Variants in ITIH5 observed in about 807,000 individuals in gnomAD.
ITIH5 encodes inter-alpha-trypsin inhibitor heavy chain 5.
Under a neutral mutation model 77.5 loss-of-function variants are expected in ITIH5, and 65 were observed. The observed-to-expected ratio is 0.84, with a 90% CI of 0.69 to 1.03. The LOEUF is 1.03. ITIH5 is among the 50% of genes least tolerant of loss of function. ITIH5 has a pLI of 0.00. For synonymous variants in ITIH5, 525 were observed against 494.3 expected, an observed-to-expected ratio of 1.06 and a Z score of -0.82; for missense variants, 1,208 against 1,213.1, an observed-to-expected ratio of 1.00 and a Z score of 0.06.
Position 7,576,915 on chromosome 10 carries a change from A to G in ITIH5, c.1516T>C (p.Tyr506His), listed in dbSNP as rs556598065. The G allele has an allele frequency of 6.2e-7, 1 of 1,614,132 alleles. No individual in the cohort carries two copies. Among genetic ancestry groups the G allele is most frequent in the East Asian group, 2.2e-5 (1 of 44,880 alleles). ...VQATKTLFPNYFNGSEIIIAG... is the reference protein window; with the variant it reads ...VQATKTLFPNHFNGSEIIIAG... ...ATGATGATCTCCGAGCCGTTGAAGT[A>G]GTTGGGGAACAGGGTCTTGGTGGCC... Residue 506 changes from tyrosine (Y) to histidine (H), a missense_variant, in exon 10 of 14, where the codon TAC becomes CAC. Tyr to His is a moderately conservative substitution (Grantham distance 83, BLOSUM62 2). Coordinates refer to ENST00000397146, the MANE Select transcript of ITIH5 (RefSeq NM_030569.7).
intron 2 of ITIH5, among the ~76,000 whole-genome samples, chr10:7,644,992 A>G (rs1251865480): frequency 6.7e-6 from 1 of 148,440 alleles, no homozygotes; most frequent in Non-Finnish European, 1.5e-5. Context: ...CTGAGGATGG[A>G]CTTGAACACC....
At chr10:7,606,428 A>C (rs1341533408) in intron 7 of ITIH5, among the ~76,000 whole-genome samples, 3 of 152,250 alleles carry the variant, frequency 2.0e-5, no homozygotes, top group Non-Finnish European at 4.4e-5. Context: ...AGCTATAAAA[A>C]AGTATAAGAT....
intron 5 of ITIH5, among the ~76,000 whole-genome samples, chr10:7,631,861 G>A (rs934990598): frequency 7.3e-5 from 11 of 150,632 alleles, no homozygotes; most frequent in Admixed American, 4.6e-4. Flanking sequence ...ATCTCAGCTC[G>A]CTGCAGCCTC....
At chr10:7,644,850 CACA>C (rs1833977103) in intron 2 of ITIH5, among the ~76,000 whole-genome samples, 2 of 128,630 alleles carry the variant, frequency 1.6e-5, no homozygotes, top group African/African-American at 6.1e-5. Context: ...ACATATATAT[CACA>C]TATGTATCAC....
intron 2 of ITIH5, 77 bp from the exon 3 acceptor site, chr10:7,642,167 T>C (rs2131082119): frequency 1.7e-6 from 2 of 1,170,070 alleles, no homozygotes; most frequent in South Asian, 1.6e-5. Flanking sequence ...CTTTTTTTTT[T>C]TCCACAAGGG....
At chr10:7,581,487 A>G (rs1358153638) in intron 8 of ITIH5, among the ~76,000 whole-genome samples, 1 of 151,984 alleles carries the variant, frequency 6.6e-6, no homozygotes, top group Non-Finnish European at 1.5e-5. Context: ...GATTTTCTTT[A>G]TTCCTCAAAT....
At chr10:7,595,287 T>A (rs1221509649) in intron 7 of ITIH5, among the ~76,000 whole-genome samples, 2 of 152,136 alleles carry the variant, frequency 1.3e-5, no homozygotes, top group African/African-American at 2.4e-5. Context: ...ATGTTTGGAC[T>A]GAAGGGAGAT....
chr10:7,655,804 T>C, intron 1 of ITIH5, 129 bp from the exon 2 acceptor site: 1 of 718,108 alleles, frequency 1.4e-6, no homozygotes, highest in Non-Finnish European at 2.3e-6. Context: ...CCAAAAGCTG[T>C]ATCTATCCTG....
chr10:7,648,911 A>G lies in ITIH5; in HGVS notation c.135+6720T>C, dbSNP rs1834047886. On this transcript the variant is annotated intron_variant, in intron 2 of 13. Transcript: ENST00000397146. Reference sequence around the variant, plus strand: ...TTATGGGCCCAAGAGACAGGCTGAAAAAAGGTTCAAGAAACTATTTTAGTT... The same window carrying G: ...TTATGGGCCCAAGAGACAGGCTGAAGAAAGGTTCAAGAAACTATTTTAGTT... Among the ~76,000 whole-genome samples, 3 of 152,180 alleles carry G rather than the reference A, an allele frequency of 2.0e-5. No individual in the cohort carries two copies. The South Asian group carries it at 6.2e-4, about 32-fold the overall frequency.
At chr10:7,659,225 A>G (rs1253031555) in intron 1 of ITIH5, among the ~76,000 whole-genome samples, 1 of 152,050 alleles carries the variant, frequency 6.6e-6, no homozygotes, top group East Asian at 1.9e-4. Flanking sequence ...TTAAAAAGAC[A>G]AAAATTAGCT....
At chr10:7,633,224 T>G (rs1833740801) in intron 5 of ITIH5, among the ~76,000 whole-genome samples, 1 of 152,242 alleles carries the variant, frequency 6.6e-6, no homozygotes, top group Non-Finnish European at 1.5e-5. Flanking sequence ...TATACCAATT[T>G]GTAATGCTTG....
intron 5 of ITIH5, chr10:7,618,677 T>G (rs1343494442): frequency 3.3e-5 from 5 of 152,228 alleles, no homozygotes; most frequent in Non-Finnish European, 5.9e-5. Context: ...TCTTTTTAAA[T>G]GTACTCAAGT....
chr10:7,629,387 G>A (rs113826787), intron 5 of ITIH5, among the ~76,000 whole-genome samples: 13,854 of 133,438 alleles, frequency 0.1, 1,830 homozygotes, highest in East Asian at 0.18. Context: ...ATGTTGTAGC[G>A]TGTGTCCATG....
chr10:7,564,564 G>C (rs550938170), intron 13 of ITIH5, among the ~76,000 whole-genome samples: 2 of 152,214 alleles, frequency 1.3e-5, no homozygotes, highest in South Asian at 4.2e-4. Context: ...TGCAGCCCGG[G>C]AGCAATAGGA....
intron 2 of ITIH5, among the ~76,000 whole-genome samples, chr10:7,644,614 A>T (rs527871402): frequency 0.11 from 9,189 of 82,632 alleles, 998 homozygotes; most frequent in South Asian, 0.17. Context: ...CACATATATC[A>T]CATATATATC....
At chr10:7,609,432 A>G (rs1833196416) in intron 7 of ITIH5, 1 of 456,638 alleles carries the variant, frequency 2.2e-6, no homozygotes, top group Admixed American at 2.3e-5. Flanking sequence ...GTAAGGTTAC[A>G]CATGAAATAT....
Position 7,637,270 on chromosome 10 carries a change from GCAGCACCTC to G in ITIH5, c.601_609del (p.Glu201_Leu203del). ...CCCCTCTGCCTGCTGTTGTGAAGCGGCAGCACCTCCAGGGATGCGATGCCCGCGCTCTCC... is the reference window on the plus strand; with the variant it reads ...CCCCTCTGCCTGCTGTTGTGAAGCGGCAGGGATGCGATGCCCGCGCTCTCC... On this transcript the variant is annotated inframe_deletion, in exon 5 of 14. Transcript: ENST00000397146. The G allele has an allele frequency of 6.2e-7, 1 of 1,611,366 alleles. No homozygotes were observed.
At chr10:7,599,640 T>A (rs1832976440) in intron 7 of ITIH5, among the ~76,000 whole-genome samples, 2 of 152,152 alleles carry the variant, frequency 1.3e-5, no homozygotes, top group African/African-American at 4.8e-5. Context: ...CTTTGGTCCA[T>A]CCTACACCTC....
intron 7 of ITIH5, among the ~76,000 whole-genome samples, chr10:7,590,039 GA>G (rs1832761526): frequency 6.7e-6 from 1 of 149,326 alleles, no homozygotes; most frequent in African/African-American, 2.5e-5. Flanking sequence ...CGTCATCTGT[GA>G]ACTTCCAGAC....
Sources: gnomAD v4.1 joint callset for allele counts (sites outside exome capture counted in the v4.1 genomes callset) on GRCh38, gnomAD v4.1.1 for gene constraint, MANE v1.5 for transcripts, NCBI Gene and HGNC (gene_info 2026-07-23, HGNC 2026-07-21) for gene names.